The following CTTNBP2NL variants were observed in gnomAD, a reference collection of about 807,000 sequenced individuals.
CTTNBP2NL encodes the protein CTTNBP2 N-terminal like.
Under a neutral mutation model 32.5 loss-of-function variants are expected in CTTNBP2NL, and 16 were observed. The observed-to-expected ratio is 0.49, with a 90% CI of 0.33 to 0.75. The LOEUF is 0.75. Ranked by LOEUF, CTTNBP2NL falls within the 30% of genes least tolerant of loss-of-function variation. The probability of loss-of-function intolerance (pLI) is 0.02; values close to 1 mark genes in which losing one functional copy is unlikely to be tolerated. For synonymous variants in CTTNBP2NL, 298 were observed against 289.4 expected, an observed-to-expected ratio of 1.03 and a Z score of -0.30; for missense variants, 645 against 756.0, an observed-to-expected ratio of 0.85 and a Z score of 1.72.
chr1:112,426,614 T>C (rs1649409531), intron 3 of CTTNBP2NL, among the ~76,000 whole-genome samples: 1 of 150,712 alleles, frequency 6.6e-6, no homozygotes, highest in African/African-American at 2.4e-5. Context: ...ACTTTTTTTT[T>C]TTTTTTTTTT....
rs72332884 is a variant in CTTNBP2NL at position 112,399,318 on chromosome 1, C to CAAAA, written c.-134+3064_-134+3067dup. 8.2e-3 allele frequency among the ~76,000 whole-genome samples: 635 copies of CAAAA among 77,728 alleles called. 18 individuals carry two copies. The highest frequency in any genetic ancestry group is 0.018 in the African/African-American group (367 of 20,744). 51.0% of individuals were successfully genotyped at this position (77,728 alleles called of 152,430 possible). ...TGGGAAACAAAGCGAGACTCTGTCT[C>CAAAA]AAAAAAAAAAAAAAAAAAAAAGAAT... is the stretch of plus-strand genomic sequence containing the variant. On this transcript the variant is annotated intron_variant, in intron 1 of 5. Transcript: ENST00000271277.
chr1:112,409,391 TA>T (rs34549995), intron 1 of CTTNBP2NL, among the ~76,000 whole-genome samples: 2 of 152,138 alleles, frequency 1.3e-5, no homozygotes, highest in East Asian at 1.9e-4. Context: ...AATTACTGAT[TA>T]AAAAAAATTA....
intron 3 of CTTNBP2NL, 129 bp downstream of exon 3, chr1:112,416,393 C>T (rs2101002520): frequency 1.7e-6 from 1 of 579,052 alleles, no homozygotes; most frequent in East Asian, 3.0e-5. Context: ...TGATACTTGC[C>T]ATAGGTAGCC....
chr1:112,403,720 C>CA (rs1466214629), intron 1 of CTTNBP2NL, among the ~76,000 whole-genome samples: 2 of 152,160 alleles, frequency 1.3e-5, no homozygotes, highest in African/African-American at 2.4e-5. Context: ...GCTAAAGGCA[C>CA]AAAAAACTAA....
At chr1:112,399,283 C>T (rs190661307) in intron 1 of CTTNBP2NL, among the ~76,000 whole-genome samples, 5 of 147,964 alleles carry the variant, frequency 3.4e-5, no homozygotes, top group South Asian at 4.3e-4. Flanking sequence ...TGCACCACTG[C>T]GCCCCGGCCT....
chr1:112,397,364 C>A (rs1042996726), intron 1 of CTTNBP2NL, among the ~76,000 whole-genome samples: 6 of 152,144 alleles, frequency 3.9e-5, no homozygotes, highest in Non-Finnish European at 7.4e-5. Flanking sequence ...GGTCAGTCAT[C>A]TAGGTTTATG....
chr1:112,423,514 A>G (rs2101008591), intron 3 of CTTNBP2NL, among the ~76,000 whole-genome samples: 1 of 152,144 alleles, frequency 6.6e-6, no homozygotes, highest in Admixed American at 6.5e-5. Context: ...TAAATTTTAA[A>G]TAAATAAAAA....
intron 3 of CTTNBP2NL, among the ~76,000 whole-genome samples, chr1:112,430,872 T>C (rs1163594834): frequency 6.6e-6 from 1 of 152,176 alleles, no homozygotes; most frequent in Non-Finnish European, 1.5e-5. Flanking sequence ...CATGAGCCAC[T>C]GTTCCCGGCC....
Position 112,426,575 on chromosome 1 carries a change from A to G in CTTNBP2NL, c.99+10311A>G, listed in dbSNP as rs543684690. Among the ~76,000 whole-genome samples the G allele has an allele frequency of 8.9e-4, 135 of 151,604 alleles. 1 individual carries two copies. In the South Asian group the frequency reaches 0.018, roughly 20 times the overall value. On this transcript the variant is annotated intron_variant, in intron 3 of 5. Coordinates refer to ENST00000271277, the MANE Select transcript of CTTNBP2NL (RefSeq NM_018704.3). ...AGTAAAATTTTGCTGAGTAGAGTCC[A>G]GTAATTAAATCATTTTCCCTACGGC...
chr1:112,448,316 A>G (rs1026721118), intron 3 of CTTNBP2NL, among the ~76,000 whole-genome samples: 3 of 152,228 alleles, frequency 2.0e-5, no homozygotes, highest in Non-Finnish European at 4.4e-5. Flanking sequence ...CAACTGAGTA[A>G]TGGTTCATAT....
chr1:112,429,411 C>T (rs1030221991), intron 3 of CTTNBP2NL, among the ~76,000 whole-genome samples: 2 of 152,138 alleles, frequency 1.3e-5, no homozygotes, highest in African/African-American at 4.8e-5. Flanking sequence ...ACTTGGGAGG[C>T]TGAAGCAGGA....
At chr1:112,452,683 T>G (rs906297127) in intron 4 of CTTNBP2NL, among the ~76,000 whole-genome samples, 1 of 143,778 alleles carries the variant, frequency 7.0e-6, no homozygotes, top group Non-Finnish European at 1.5e-5. Flanking sequence ...CTCCGTTGCC[T>G]GGGCTGGAGT....
upstream of CTTNBP2NL, among the ~76,000 whole-genome samples, chr1:112,392,915 T>G (rs1648220210): frequency 6.6e-6 from 1 of 152,006 alleles, no homozygotes; most frequent in African/African-American, 2.4e-5. Flanking sequence ...TGGAGTGCAG[T>G]GGCGCGATCT....
intron 1 of CTTNBP2NL, among the ~76,000 whole-genome samples, chr1:112,405,402 A>AT (rs1648630573): frequency 6.6e-6 from 1 of 152,098 alleles, no homozygotes; most frequent in African/African-American, 2.4e-5. Flanking sequence ...GGTTCAAGCG[A>AT]TTCTCTTTCC....
intron 1 of CTTNBP2NL, among the ~76,000 whole-genome samples, chr1:112,406,318 C>G (rs572783789): frequency 6.6e-6 from 1 of 152,128 alleles, no homozygotes; most frequent in Non-Finnish European, 1.5e-5. Flanking sequence ...CTTTGTGAAT[C>G]GTTGTTTAGC....
At chr1:112,415,227 T>G (rs1295829242) in intron 2 of CTTNBP2NL, among the ~76,000 whole-genome samples, 1 of 152,092 alleles carries the variant, frequency 6.6e-6, no homozygotes, top group Non-Finnish European at 1.5e-5. Flanking sequence ...AACCCTATAC[T>G]TTGAGAATTC....
chr1:112,457,369 C>T lies in CTTNBP2NL; in HGVS notation c.1877C>T (p.Ala626Val). Residue 626 changes from alanine to valine, a missense_variant, in exon 6 of 6, where the codon GCA (alanine) becomes GTA (valine). Coordinates refer to ENST00000271277, the MANE Select transcript of CTTNBP2NL (RefSeq NM_018704.3). ...AGCTGCTCTTCCAATACTGTTGTAGCAAATGGTAAGGATGTTGAGTTACTT... is the reference window on the plus strand; with the variant it reads ...AGCTGCTCTTCCAATACTGTTGTAGTAAATGGTAAGGATGTTGAGTTACTT... Reference protein sequence around the residue: ...ASSCSSNTVVANGKDVELLLP... With the variant: ...ASSCSSNTVVVNGKDVELLLP... 6.2e-7 allele frequency: 1 copy of T among 1,614,066 alleles called. No homozygotes were observed. Among genetic ancestry groups the T allele is most frequent in the Non-Finnish European group, 8.5e-7 (1 of 1,179,948 alleles).
Position 112,449,059 on chromosome 1 carries a change from C to A in CTTNBP2NL, c.217C>A (p.Gln73Lys). 6.2e-7 allele frequency: 1 copy of A among 1,612,394 alleles called. No homozygotes were observed. Among genetic ancestry groups the A allele is most frequent in the Non-Finnish European group, 8.5e-7 (1 of 1,178,424 alleles). ...GAAGGAGAAAAATGATGGCGAAAAG[C>A]AGCCAGTCTGCACAAATCCACTCTC... The part of the protein sequence containing the change: ...TLKEKNDGEK[Q>K]PVCTNPLSIL... Residue 73 changes from glutamine to lysine, a missense_variant, in exon 4 of 6, where the codon CAG becomes AAG. Gln to Lys is a moderately conservative substitution (Grantham distance 53). Transcript: ENST00000271277.
At chr1:112,414,584 A>G (rs1303558555) in intron 2 of CTTNBP2NL, 3 of 152,218 alleles carry the variant, frequency 2.0e-5, no homozygotes, top group Non-Finnish European at 4.4e-5. Context: ...GGATGTGTGA[A>G]CTGGTCATGT....
Sources: allele counts gnomAD v4.1 joint callset (sites outside exome capture counted in the v4.1 genomes callset), GRCh38; gene constraint gnomAD v4.1.1; transcripts MANE v1.5; gene names NCBI Gene and HGNC (gene_info 2026-07-23, HGNC 2026-07-21).